The following HYCC2 variants were observed in gnomAD, a reference collection of about 807,000 sequenced individuals.
HYCC2 encodes the protein hyccin 2.
chr2:201,058,547 A>G, the HYCC2 span, among the ~76,000 whole-genome samples: 1 of 152,184 alleles, frequency 6.6e-6, no homozygotes. Context: ...TCTACTAAAA[A>G]TACAAAATTA....
chr2:201,016,757 G>T, the HYCC2 span, among the ~76,000 whole-genome samples: 1 of 151,818 alleles, frequency 6.6e-6, no homozygotes, highest in South Asian at 2.1e-4. Context: ...ACACCACCAT[G>T]CTCAGCTAAT....
chr2:200,983,037 C>T, the HYCC2 span, among the ~76,000 whole-genome samples: 1 of 152,206 alleles, frequency 6.6e-6, no homozygotes, highest in Non-Finnish European at 1.5e-5. Flanking sequence ...GGATTACAGG[C>T]ATGAGCCACC....
At chr2:201,042,760 C>T in the HYCC2 span, among the ~76,000 whole-genome samples, 1 of 151,442 alleles carries the variant, frequency 6.6e-6, no homozygotes, top group African/African-American at 2.4e-5. Flanking sequence ...CCCCCGCCCG[C>T]CGCCCCGTCT....
chr2:201,060,172 A>T, the HYCC2 span, among the ~76,000 whole-genome samples: 10 of 151,734 alleles, frequency 6.6e-5, no homozygotes, highest in South Asian at 2.1e-3. Flanking sequence ...CACTTAATTC[A>T]TGTCTATTGA....
At chr2:201,057,813 G>A in the HYCC2 span, among the ~76,000 whole-genome samples, 2 of 152,116 alleles carry the variant, frequency 1.3e-5, no homozygotes, top group Non-Finnish European at 2.9e-5. Context: ...TACAGGACAG[G>A]AGAAAGGGAA....
chr2:200,977,496 T>TA, the HYCC2 span: 1 of 152,226 alleles, frequency 6.6e-6, no homozygotes, highest in African/African-American at 2.4e-5. Context: ...GGGGTAAAGT[T>TA]AAGGGGATCA....
At chr2:201,026,053 C>T in the HYCC2 span, among the ~76,000 whole-genome samples, 3 of 152,148 alleles carry the variant, frequency 2.0e-5, no homozygotes, top group East Asian at 5.8e-4. Context: ...CATAAGTATG[C>T]TGTATTCAGG....
the HYCC2 span, among the ~76,000 whole-genome samples, chr2:201,071,051 G>A: frequency 1.3e-5 from 2 of 152,118 alleles, no homozygotes; most frequent in Non-Finnish European, 2.9e-5. Context: ...CACATTAATA[G>A]GTTGCAAGAC....
chr2:201,029,983 A>T, the HYCC2 span, among the ~76,000 whole-genome samples: 1 of 152,192 alleles, frequency 6.6e-6, no homozygotes, highest in Non-Finnish European at 1.5e-5. Context: ...GTTACTGAGG[A>T]GGCTGAGGTG....
chr2:200,982,541 A>T, the HYCC2 span, among the ~76,000 whole-genome samples: 1 of 152,064 alleles, frequency 6.6e-6, no homozygotes, highest in Non-Finnish European at 1.5e-5. Flanking sequence ...CCATATTTTG[A>T]TCAATTAATG....
the HYCC2 span, among the ~76,000 whole-genome samples, chr2:201,037,802 T>C: frequency 6.6e-6 from 1 of 152,114 alleles, no homozygotes; most frequent in African/African-American, 2.4e-5. Context: ...GAAGAAAACC[T>C]AGGCAATACC....
chr2:200,995,906 T>G, the HYCC2 span: 1 of 152,218 alleles, frequency 6.6e-6, no homozygotes, highest in South Asian at 2.1e-4. Flanking sequence ...GGGGGATTGA[T>G]ATCCTCAAGT....
chr2:201,066,228 C>T, the HYCC2 span, among the ~76,000 whole-genome samples: 1 of 152,242 alleles, frequency 6.6e-6, no homozygotes, highest in African/African-American at 2.4e-5. Context: ...TGTGCACCAC[C>T]GTGCCCAGCT....
chr2:201,062,999 T>C, the HYCC2 span: 14 of 1,455,614 alleles, frequency 9.6e-6, no homozygotes, highest in African/African-American at 9.9e-5. Context: ...ACATTTATTA[T>C]GCATCAAGTA....
At chr2:201,021,571 T>C in the HYCC2 span, 1 of 154,212 alleles carries the variant, frequency 6.5e-6, no homozygotes, top group Non-Finnish European at 1.5e-5. Flanking sequence ...CATTTTGTAC[T>C]TCACTGTCCT....
the HYCC2 span, chr2:201,061,293 AT>A: frequency 6.6e-6 from 1 of 152,176 alleles, no homozygotes; most frequent in Non-Finnish European, 1.5e-5. Context: ...TTAGCCAAGC[AT>A]GGTGGCACAT....
the HYCC2 span, among the ~76,000 whole-genome samples, chr2:201,019,296 A>G: frequency 6.6e-6 from 1 of 152,292 alleles, no homozygotes; most frequent in South Asian, 2.1e-4. Context: ...CTTTCTCAGT[A>G]GCAACAGGTA....
chr2:201,070,362 A>T, the HYCC2 span, among the ~76,000 whole-genome samples: 5 of 152,254 alleles, frequency 3.3e-5, no homozygotes, highest in South Asian at 1.0e-3. Flanking sequence ...TTAAAAGTTG[A>T]CTTTTTTCTG....
the HYCC2 span, chr2:201,063,480 T>C: frequency 3.8e-5 from 60 of 1,591,918 alleles, no homozygotes; most frequent in Non-Finnish European, 4.3e-5. Flanking sequence ...TATGGAAAAA[T>C]TGAAGTGATT....
Sources: gnomAD v4.1 joint callset for allele counts (sites outside exome capture counted in the v4.1 genomes callset) on GRCh38, gnomAD v4.1.1 for gene constraint, MANE v1.5 for transcripts, NCBI Gene and HGNC (gene_info 2026-07-23, HGNC 2026-07-21) for gene names.